Variants in ZNF143 observed in about 807,000 individuals in gnomAD.
The protein encoded by ZNF143 is zinc finger protein 143.
ZNF143 carries 49 observed loss-of-function variants against 74.1 expected under a neutral mutation model. The observed-to-expected ratio is 0.66, with a 90% confidence interval of 0.53 to 0.84. The LOEUF (loss-of-function observed/expected upper bound fraction) is 0.84. Among genes scored for constraint, ZNF143 ranks in the 40% least tolerant of loss-of-function variants. The pLI, the probability that ZNF143 is intolerant of heterozygous loss-of-function variation, is 0.00. For synonymous variants in ZNF143, 304 were observed against 282.8 expected, an observed-to-expected ratio of 1.07 and a Z score of -0.75; for missense variants, 637 against 793.4, an observed-to-expected ratio of 0.80 and a Z score of 2.37.
intron 2 of ZNF143, 25 bp from the exon 3 acceptor site, chr11:9,472,652 G>T (rs1329904199): frequency 6.3e-7 from 1 of 1,596,520 alleles, no homozygotes; most frequent in African/African-American, 1.3e-5. Flanking sequence ...GCTGTCTAAA[G>T]AAAATATTGA....
At chr11:9,516,645 A>G (rs775791441) in intron 14 of ZNF143, among the ~76,000 whole-genome samples, 43 of 152,300 alleles carry the variant, frequency 2.8e-4, no homozygotes, top group Non-Finnish European at 5.0e-4. Flanking sequence ...AGCTATTCCT[A>G]TTATCATCAT....
intron 11 of ZNF143, among the ~76,000 whole-genome samples, chr11:9,507,235 A>G (rs1848397254): frequency 6.6e-6 from 1 of 152,162 alleles, no homozygotes; most frequent in East Asian, 1.9e-4. Flanking sequence ...ATGAGAATAA[A>G]CCAGGACATG....
chr11:9,516,334 T>C lies in ZNF143; in HGVS notation c.1658T>C (p.Val553Ala). Residue 553 changes from valine to alanine, a missense_variant, in exon 14 of 16, where the codon GTT (valine) becomes GCT (alanine). Coordinates refer to ENST00000396602, the MANE Select transcript of ZNF143 (RefSeq NM_003442.6). ...SSAGTHSVAM[V>A]TAEGTEGEQV... ...GCAGGAACGCACTCTGTTGCTATGG[T>C]TACTGCTGAGGGTACAGAAGGGGAA... 2 of 1,613,726 alleles carry C rather than the reference T, an allele frequency of 1.2e-6. No homozygotes were observed. The highest frequency in any genetic ancestry group is 1.7e-6 in the Non-Finnish European group (2 of 1,179,802).
intron 1 of ZNF143, among the ~76,000 whole-genome samples, chr11:9,468,359 G>A (rs192088212): frequency 7.2e-4 from 109 of 152,284 alleles, no homozygotes; most frequent in Non-Finnish European, 1.4e-3. Flanking sequence ...TTCCTGACAG[G>A]TATTTTTAGC....
At chr11:9,471,507 A>G in intron 2 of ZNF143, 87 bp downstream of exon 2, 2 of 974,012 alleles carry the variant, frequency 2.1e-6, no homozygotes, top group Non-Finnish European at 3.0e-6. Context: ...TTCCTGATTT[A>G]GCAGAAAACA....
In ZNF143 at chr11:9,501,303, T is replaced by G. The variant is rs374373325; in HGVS notation, c.1147+33T>G. 2.2e-5 allele frequency: 36 copies of G among 1,605,764 alleles called. No homozygotes were observed. In the African/African-American group the frequency reaches 4.7e-4, roughly 21 times the overall value. Reference sequence around the variant, plus strand: ...TCTCTGATCTTTTGGTCTTTTATCTTTCAAGGCTCAGTTTAACTCCTGCCT... The same window carrying G: ...TCTCTGATCTTTTGGTCTTTTATCTGTCAAGGCTCAGTTTAACTCCTGCCT... On this transcript the variant is annotated intron_variant, in intron 11 of 15. Coordinates refer to ENST00000396602, the MANE Select transcript of ZNF143 (RefSeq NM_003442.6).
intron 10 of ZNF143, among the ~76,000 whole-genome samples, chr11:9,500,459 A>C (rs1000204026): frequency 1.3e-5 from 2 of 151,134 alleles, no homozygotes; most frequent in Non-Finnish European, 2.9e-5. Flanking sequence ...CTTGAGATGG[A>C]GTCTCGCTCT....
At chr11:9,496,057 G>A (rs1275221964) in intron 8 of ZNF143, among the ~76,000 whole-genome samples, 1 of 152,014 alleles carries the variant, frequency 6.6e-6, no homozygotes, top group Non-Finnish European at 1.5e-5. Context: ...TTGACCACTC[G>A]AGAAAGCTCA....
At chr11:9,512,646 G>A in intron 13 of ZNF143, 50 bp downstream of exon 13, 2 of 1,605,738 alleles carry the variant, frequency 1.2e-6, no homozygotes, top group Non-Finnish European at 1.7e-6. Flanking sequence ...GTGAACCTGG[G>A]CTTGAAAGGC....
In ZNF143 at chr11:9,505,204, CGTT is replaced by C. The variant is rs1218187170; in HGVS notation, c.1148-3412_1148-3410del. 1.6e-5 allele frequency among the ~76,000 whole-genome samples: 2 copies of C among 125,312 alleles called. 1 individual carries two copies. Among genetic ancestry groups the C allele is most frequent in the Non-Finnish European group, 3.8e-5 (2 of 52,814 alleles). 82.2% of individuals were successfully genotyped at this position (125,312 alleles called of 152,430 possible). ...GGCCAGGATGGTCTCCATCTCCTGA[CGTT>C]GTGATCCACCCACCTTGGCCTCCCA... On this transcript the variant is annotated intron_variant, in intron 11 of 15. Coordinates refer to ENST00000396602, the MANE Select transcript of ZNF143 (RefSeq NM_003442.6).
At chr11:9,513,545 A>G (rs1848624227) in intron 13 of ZNF143, among the ~76,000 whole-genome samples, 2 of 152,230 alleles carry the variant, frequency 1.3e-5, no homozygotes, top group African/African-American at 4.8e-5. Flanking sequence ...TTCCCACTAT[A>G]GCAGGTCTGA....
intron 2 of ZNF143, 68 bp from the exon 3 acceptor site, chr11:9,472,608 TG>T: frequency 7.2e-7 from 1 of 1,381,900 alleles, no homozygotes. Context: ...GATCTTTATT[TG>T]AAAAAAAAAT....
chr11:9,474,601 G>C lies in ZNF143; in HGVS notation c.341G>C (p.Gly114Ala). Residue 114 changes from glycine to alanine, a missense_variant, in exon 5 of 16, where the codon GGT becomes GCT. Physicochemically the swap from Gly to Ala is moderately conservative, Grantham distance 60. Coordinates refer to ENST00000396602, the MANE Select transcript of ZNF143 (RefSeq NM_003442.6). ...GGTCAAGCAGTACAGTTAGAAGATGGTACCACAGCATTTATTCACCACACC... is the reference window on the plus strand; with the variant it reads ...GGTCAAGCAGTACAGTTAGAAGATGCTACCACAGCATTTATTCACCACACC... ...EDGQAVQLEDGTTAFIHHTSK... is the reference protein window; with the variant it reads ...EDGQAVQLEDATTAFIHHTSK... The C allele has an allele frequency of 6.2e-7, 1 of 1,614,088 alleles. No individual in the cohort carries two copies. The highest frequency in any genetic ancestry group is 8.5e-7 in the Non-Finnish European group (1 of 1,180,006).
chr11:9,511,877 G>C (rs1359045990), intron 12 of ZNF143, among the ~76,000 whole-genome samples: 2 of 148,690 alleles, frequency 1.3e-5, no homozygotes, highest in Non-Finnish European at 3.0e-5. Context: ...TCAGCCTCCC[G>C]AGCAGCTGGG....
At chr11:9,472,146 C>A (rs1262213437) in intron 2 of ZNF143, among the ~76,000 whole-genome samples, 2 of 151,650 alleles carry the variant, frequency 1.3e-5, no homozygotes, top group Non-Finnish European at 2.9e-5. Context: ...CCAGGCTGGT[C>A]TCAAACTCCT....
chr11:9,490,566 C>T (rs568182047), intron 7 of ZNF143, among the ~76,000 whole-genome samples: 3 of 151,768 alleles, frequency 2.0e-5, no homozygotes, highest in African/African-American at 4.8e-5. Flanking sequence ...GGATTACAGA[C>T]GTGAGCTGCC....
intron 7 of ZNF143, among the ~76,000 whole-genome samples, chr11:9,486,396 A>AATATAT (rs1554964417): frequency 1.7e-4 from 2 of 11,922 alleles, no homozygotes; most frequent in African/African-American, 4.4e-4. Context: ...TAATATATAT[A>AATATAT]ATATATTATA....
chr11:9,489,783 C>T (rs548271296), intron 7 of ZNF143, among the ~76,000 whole-genome samples: 2 of 152,228 alleles, frequency 1.3e-5, no homozygotes, highest in African/African-American at 4.8e-5. Context: ...AAGAAGAGTC[C>T]TTTTCTCTTA....
chr11:9,499,521 T>C (rs1416425987), intron 10 of ZNF143, among the ~76,000 whole-genome samples: 3 of 152,136 alleles, frequency 2.0e-5, no homozygotes, highest in Non-Finnish European at 4.4e-5. Context: ...AATAGAGAAA[T>C]CATAATTTCA....
Sources: gnomAD v4.1 joint callset for allele counts (sites outside exome capture counted in the v4.1 genomes callset) on GRCh38, gnomAD v4.1.1 for gene constraint, MANE v1.5 for transcripts, NCBI Gene and HGNC (gene_info 2026-07-23, HGNC 2026-07-21) for gene names.